FNDC3A: variants seen among roughly 807,000 people sequenced by gnomAD.
FNDC3A encodes the protein fibronectin type-III domain-containing protein 3A.
FNDC3A carries 32 observed loss-of-function variants against 148.9 expected under a neutral mutation model. The observed-to-expected ratio is 0.21, with a 90% CI of 0.16 to 0.29. The LOEUF is 0.29. Ranked by LOEUF, FNDC3A falls within the 10% of genes least tolerant of loss-of-function variation. FNDC3A has a pLI of 1.00. For missense variants in FNDC3A, 1,191 were observed against 1,452.8 expected (o/e 0.82, Z 2.93); for synonymous variants, 472 against 473.6 (o/e 1.00, Z 0.04).
intron 4 of FNDC3A, among the ~76,000 whole-genome samples, chr13:49,121,160 G>A (rs1881316217): frequency 6.6e-6 from 1 of 152,296 alleles, no homozygotes; most frequent in East Asian, 1.9e-4. Flanking sequence ...AGGCCACAGT[G>A]CAATCAAATT....
intron 4 of FNDC3A, among the ~76,000 whole-genome samples, chr13:49,125,104 A>G (rs1466681438): frequency 6.6e-6 from 1 of 152,126 alleles, no homozygotes; most frequent in African/African-American, 2.4e-5. Context: ...ACTTTGGGAA[A>G]AGTTTCAGGT....
intron 2 of FNDC3A, among the ~76,000 whole-genome samples, chr13:49,049,698 C>T (rs1342774574): frequency 2.1e-5 from 2 of 96,942 alleles, no homozygotes; most frequent in Non-Finnish European, 5.4e-5. Flanking sequence ...GATCTTCTCT[C>T]TTCTCTTCTT....
At chr13:49,084,755 A>G (rs1331360788) in intron 3 of FNDC3A, among the ~76,000 whole-genome samples, 1 of 152,160 alleles carries the variant, frequency 6.6e-6, no homozygotes, top group African/African-American at 2.4e-5. Context: ...GGCTCCACCT[A>G]GAAGTCCTAT....
chr13:49,005,820 T>G (rs1952210013), intron 1 of FNDC3A, among the ~76,000 whole-genome samples: 1 of 151,850 alleles, frequency 6.6e-6, no homozygotes, highest in Admixed American at 6.6e-5. Flanking sequence ...GTGTTTAGAT[T>G]AAGTAGTGGT....
chr13:49,157,805 T>TG (rs1464893673), intron 8 of FNDC3A, among the ~76,000 whole-genome samples: 22 of 130,718 alleles, frequency 1.7e-4, no homozygotes, highest in African/African-American at 5.6e-4. Context: ...GTGCCCCTGC[T>TG]GGGGGGTGCC....
At chr13:49,030,900 A>C (rs1287632549) in intron 2 of FNDC3A, among the ~76,000 whole-genome samples, 2 of 152,232 alleles carry the variant, frequency 1.3e-5, no homozygotes, top group African/African-American at 4.8e-5. Context: ...AGATCAGAAG[A>C]CTTAATATTG....
intron 4 of FNDC3A, among the ~76,000 whole-genome samples, chr13:49,115,266 C>T (rs947987026): frequency 7.2e-5 from 11 of 151,774 alleles, no homozygotes; most frequent in African/African-American, 2.7e-4. Context: ...AAGCTCTGAC[C>T]TTAAGTATAG....
At chr13:49,081,399 C>T (rs929515772) in intron 3 of FNDC3A, among the ~76,000 whole-genome samples, 3 of 152,106 alleles carry the variant, frequency 2.0e-5, no homozygotes, top group Non-Finnish European at 4.4e-5. Context: ...TTATTTAATA[C>T]TTTAATAGGG....
chr13:49,001,530 A>G (rs574332219), intron 1 of FNDC3A, among the ~76,000 whole-genome samples: 88 of 152,194 alleles, frequency 5.8e-4, no homozygotes, highest in Non-Finnish European at 1.2e-3. Flanking sequence ...CTTCTTTCAA[A>G]AGCAAATGGG....
chr13:49,110,425 G>A, intron 3 of FNDC3A: 2 of 1,488,804 alleles, frequency 1.3e-6, no homozygotes, highest in Non-Finnish European at 1.9e-6. Context: ...TGCTGTTTTC[G>A]AACATTCTGC....
chr13:49,180,369 A>T (rs1885242612), intron 14 of FNDC3A, among the ~76,000 whole-genome samples: 2 of 152,232 alleles, frequency 1.3e-5, no homozygotes, highest in Non-Finnish European at 2.9e-5. Flanking sequence ...GGGAAATTTG[A>T]TTATTTAGCA....
chr13:49,058,457 T>C lies in FNDC3A; in HGVS notation c.100-16832T>C, dbSNP rs143504620. ...TACTTCTTTCTTTGGAGGCAGAAAT[T>C]GGGCATAAGACAGTATGAGGGGTGG... On this transcript the variant is annotated intron_variant, in intron 2 of 25. Transcript: ENST00000492622. Among the ~76,000 whole-genome samples the C allele has an allele frequency of 3.3e-3, 498 of 152,274 alleles. 3 individuals carry two copies. Among genetic ancestry groups the C allele is most frequent in the African/African-American group, 0.011 (459 of 41,542 alleles).
intron 1 of FNDC3A, among the ~76,000 whole-genome samples, chr13:48,987,092 G>T (rs1373857394): frequency 6.6e-6 from 1 of 152,144 alleles, no homozygotes; most frequent in Non-Finnish European, 1.5e-5. Context: ...CAAGAGCAAA[G>T]TTAACAATCT....
chr13:49,065,266 A>G (rs1877188322), intron 2 of FNDC3A, among the ~76,000 whole-genome samples: 1 of 152,080 alleles, frequency 6.6e-6, no homozygotes, highest in Admixed American at 6.5e-5. Flanking sequence ...CCTTTTTTAC[A>G]TGGTAGCTCA....
intron 1 of FNDC3A, among the ~76,000 whole-genome samples, chr13:48,996,728 T>C (rs1211298085): frequency 6.6e-6 from 1 of 152,114 alleles, no homozygotes; most frequent in Admixed American, 6.6e-5. Flanking sequence ...ACATACAGTT[T>C]TTAGTTTGAA....
intron 2 of FNDC3A, among the ~76,000 whole-genome samples, chr13:49,070,044 A>C (rs895929209): frequency 6.6e-6 from 1 of 152,232 alleles, no homozygotes; most frequent in African/African-American, 2.4e-5. Flanking sequence ...AAAAATAGGA[A>C]CTAGTACTAA....
At chr13:49,026,116 A>G (rs1873694054) in intron 2 of FNDC3A, among the ~76,000 whole-genome samples, 1 of 152,196 alleles carries the variant, frequency 6.6e-6, no homozygotes, top group African/African-American at 2.4e-5. Context: ...AATCTATACT[A>G]TGGATAAATC....
In FNDC3A at chr13:49,131,183, C is replaced by A. The variant is rs1380393637; in HGVS notation, c.299C>A (p.Ala100Glu). 1 of 1,613,778 alleles carries A rather than the reference C, an allele frequency of 6.2e-7. No homozygotes were observed. Among genetic ancestry groups the A allele is most frequent in the East Asian group, 2.2e-5 (1 of 44,866 alleles). The change falls in exon 5 of 26, where the codon GCA becomes GAA. Residue 100 changes from alanine to glutamate, a missense_variant. Around this residue, in one of 3 missense-constraint regions of FNDC3A, gnomAD observed 426 missense variants for 473.2 expected, o/e 0.90. Coordinates refer to ENST00000492622, the MANE Select transcript of FNDC3A (RefSeq NM_001079673.2). ...GVRRVVVVPQ[A>E]PEFHPGSHTV... Reference sequence around the variant, plus strand: ...CGAAGAGTTGTCGTGGTCCCTCAGGCACCAGAGTTTCACCCTGGTAGTCAC... The same window carrying A: ...CGAAGAGTTGTCGTGGTCCCTCAGGAACCAGAGTTTCACCCTGGTAGTCAC...
intron 2 of FNDC3A, among the ~76,000 whole-genome samples, chr13:49,027,765 AAG>A (rs1873826402): frequency 6.6e-6 from 1 of 152,194 alleles, no homozygotes; most frequent in South Asian, 2.1e-4. Flanking sequence ...TAACATAAAA[AAG>A]GCAAAAATGG....
Sources: gnomAD v4.1 joint callset for allele counts (sites outside exome capture counted in the v4.1 genomes callset) on GRCh38, gnomAD v4.1.1 for gene constraint, gnomAD v4.1.1 regional missense constraint, MANE v1.5 for transcripts, NCBI Gene and HGNC (gene_info 2026-07-23, HGNC 2026-07-21) for gene names.